The following TEX9 variants were observed in gnomAD, a reference collection of about 807,000 sequenced individuals.
TEX9 encodes testis-expressed protein 9.
TEX9 carries 74 observed loss-of-function variants against 59.6 expected under a neutral mutation model. That is an observed-to-expected ratio of 1.24 (90% CI 1.03 to 1.51). The LOEUF is 1.51. Among genes scored for constraint, TEX9 ranks in the 40% most tolerant of loss-of-function variants. TEX9 has a pLI of 0.00. For synonymous variants in TEX9, 186 were observed against 152.2 expected, an observed-to-expected ratio of 1.22 and a Z score of -1.64; for missense variants, 522 against 447.8, an observed-to-expected ratio of 1.17 and a Z score of -1.49.
intron 1 of TEX9, among the ~76,000 whole-genome samples, chr15:56,246,935 G>C (rs761677727): frequency 1.1e-4 from 16 of 152,172 alleles, no homozygotes; most frequent in Non-Finnish European, 2.1e-4. Context: ...AAAAGTTATA[G>C]GTAAACCAGG....
chr15:56,295,421 C>T (rs370308154), intron 1 of TEX9, among the ~76,000 whole-genome samples: 241 of 152,286 alleles, frequency 1.6e-3, no homozygotes, highest in African/African-American at 5.7e-3. Context: ...CTGGATATAC[C>T]AGCTAAGCTG....
chr15:56,291,663 G>A (rs1045152606), intron 1 of TEX9, among the ~76,000 whole-genome samples: 6 of 152,080 alleles, frequency 3.9e-5, no homozygotes, highest in African/African-American at 1.4e-4. Context: ...TTGTCTAACT[G>A]AAATTTTGTA....
chr15:56,257,728 A>G (rs987260071), intron 1 of TEX9, among the ~76,000 whole-genome samples: 7 of 152,006 alleles, frequency 4.6e-5, no homozygotes, highest in Non-Finnish European at 1.0e-4. Context: ...ATTTTCTCCC[A>G]TTCTGCCGGT....
intron 9 of TEX9, among the ~76,000 whole-genome samples, chr15:56,411,357 A>G (rs1359008234): frequency 1.3e-5 from 2 of 152,036 alleles, no homozygotes; most frequent in Non-Finnish European, 2.9e-5. Flanking sequence ...TTTCAGTACC[A>G]CATAGCAGAT....
At chr15:56,400,224 C>G (rs1035302467) in intron 9 of TEX9, among the ~76,000 whole-genome samples, 1 of 152,074 alleles carries the variant, frequency 6.6e-6, no homozygotes, top group African/African-American at 2.4e-5. Context: ...CACAAGGAAG[C>G]TAAAAACCTT....
chr15:56,438,542 T>C (rs1272722685), intron 12 of TEX9, among the ~76,000 whole-genome samples: 1 of 152,078 alleles, frequency 6.6e-6, no homozygotes, highest in Non-Finnish European at 1.5e-5. Context: ...ATAAAAACCC[T>C]AGAAGAAAAC....
chr15:56,449,815 A>G (rs1596265673), downstream of TEX9, among the ~76,000 whole-genome samples: 1 of 152,232 alleles, frequency 6.6e-6, no homozygotes, highest in East Asian at 1.9e-4. Flanking sequence ...TATTTCATTT[A>G]CATTTTCAAA....
At chr15:56,452,300 T>C in the TEX9 span, among the ~76,000 whole-genome samples, 24 of 152,260 alleles carry the variant, frequency 1.6e-4, no homozygotes, top group East Asian at 9.7e-4. Flanking sequence ...AAAAGGCCTC[T>C]ACCTGTGGAA....
chr15:56,384,797 G>C (rs1485143537), intron 4 of TEX9, among the ~76,000 whole-genome samples: 1 of 152,160 alleles, frequency 6.6e-6, no homozygotes, highest in Non-Finnish European at 1.5e-5. Context: ...AGGCACAACA[G>C]GTGTCTAATG....
intron 1 of TEX9, among the ~76,000 whole-genome samples, chr15:56,312,161 TG>T (rs1406303732): frequency 6.7e-6 from 1 of 148,854 alleles, no homozygotes; most frequent in Non-Finnish European, 1.5e-5. Flanking sequence ...ACATCCCATT[TG>T]TCAATTTTGT....
rs560677754 is a variant in TEX9 at position 56,385,296 on chromosome 15, A to C, written c.263+1265A>C. 2.6e-5 allele frequency among the ~76,000 whole-genome samples: 4 copies of C among 152,280 alleles called. No individual in the cohort carries two copies. In the South Asian group the frequency reaches 8.3e-4, roughly 32 times the overall value. ...GAGTAAGCTGGTTTTAGACCTCAAG[A>C]ATTACAAGGTAAAATTGAGAAAATC... is the stretch of plus-strand genomic sequence containing the variant. On this transcript the variant is annotated intron_variant, in intron 4 of 12. Transcript: ENST00000352903.
intron 1 of TEX9, among the ~76,000 whole-genome samples, chr15:56,279,858 C>T (rs890698969): frequency 3.3e-5 from 5 of 152,202 alleles, no homozygotes; most frequent in Admixed American, 2.6e-4. Context: ...GGCATGTCTA[C>T]ATATAGTCTC....
At chr15:56,367,076 C>G (rs141766530) in intron 2 of TEX9, among the ~76,000 whole-genome samples, 6 of 152,076 alleles carry the variant, frequency 3.9e-5, no homozygotes, top group African/African-American at 1.4e-4. Flanking sequence ...GTATTTTGCA[C>G]CTGGTTCTGG....
intron 1 of TEX9, among the ~76,000 whole-genome samples, chr15:56,332,628 G>T (rs1166255593): frequency 7.5e-6 from 1 of 133,992 alleles, no homozygotes; most frequent in Non-Finnish European, 1.7e-5. Context: ...AAAAAAAAAA[G>T]AACTAGAAAA....
intron 1 of TEX9, among the ~76,000 whole-genome samples, chr15:56,325,162 G>T (rs1206572931): frequency 3.9e-5 from 6 of 152,146 alleles, no homozygotes; most frequent in Non-Finnish European, 8.8e-5. Context: ...CCACCTTGTA[G>T]AAACACAAAT....
intron 4 of TEX9, among the ~76,000 whole-genome samples, chr15:56,387,969 C>T (rs115963009): frequency 2.0e-5 from 3 of 151,934 alleles, no homozygotes; most frequent in Non-Finnish European, 2.9e-5. Context: ...CAAATACTTA[C>T]GCCAGTAGTA....
intron 1 of TEX9, among the ~76,000 whole-genome samples, chr15:56,328,951 G>A (rs1304836178): frequency 6.6e-6 from 1 of 152,146 alleles, no homozygotes; most frequent in African/African-American, 2.4e-5. Context: ...GTGGCAATCA[G>A]TGGCTACAAT....
intron 1 of TEX9, among the ~76,000 whole-genome samples, chr15:56,269,052 G>T (rs537544171): frequency 5.3e-5 from 8 of 152,184 alleles, no homozygotes; most frequent in African/African-American, 1.9e-4. Flanking sequence ...GTTTAGTCTT[G>T]GGAGGGTGTG....
intron 12 of TEX9, among the ~76,000 whole-genome samples, chr15:56,437,647 A>ATT (rs2050750187): frequency 6.6e-6 from 1 of 152,210 alleles, no homozygotes; most frequent in Non-Finnish European, 1.5e-5. Flanking sequence ...AAGAAAGGGT[A>ATT]TTCAATTAGG....
Sources: gnomAD v4.1 joint callset for allele counts (sites outside exome capture counted in the v4.1 genomes callset) on GRCh38, gnomAD v4.1.1 for gene constraint, MANE v1.5 for transcripts, NCBI Gene and HGNC (gene_info 2026-07-23, HGNC 2026-07-21) for gene names.